Variants in ZNF114 observed in about 807,000 individuals in gnomAD.
ZNF114 encodes the protein zinc finger protein 114 (Y18).
In ZNF114, 8 loss-of-function variants were observed where a neutral mutation model predicts 6.8. The observed-to-expected ratio is 1.18, with a 90% CI of 0.69 to 2.13. ZNF114 has a LOEUF of 2.13. Among genes scored for constraint, ZNF114 ranks in the 30% most tolerant of loss-of-function variants. The pLI is 0.00. For missense variants in ZNF114, 472 were observed against 519.5 expected (o/e 0.91, Z 0.89); for synonymous variants, 169 against 185.5 (o/e 0.91, Z 0.72).
chr19:48,284,819 A>G (rs1032533686), intron 5 of ZNF114, among the ~76,000 whole-genome samples: 1 of 152,088 alleles, frequency 6.6e-6, no homozygotes, highest in Non-Finnish European at 1.5e-5. Flanking sequence ...AAAATTGCAC[A>G]TGGAGCCAGC....
At chr19:48,279,635 G>T in intron 3 of ZNF114, 96 bp from the exon 4 acceptor site, 3 of 802,614 alleles carry the variant, frequency 3.7e-6, no homozygotes, top group Non-Finnish European at 6.1e-6. Context: ...GTGCACACGT[G>T]CATTTATATG....
intron 4 of ZNF114, among the ~76,000 whole-genome samples, chr19:48,281,175 C>T (rs767181830): frequency 3.9e-5 from 6 of 152,128 alleles, no homozygotes; most frequent in Admixed American, 3.3e-4. Flanking sequence ...TACGACCGGA[C>T]GTCAGTCTCT....
chr19:48,284,855 T>A (rs2147295831), intron 5 of ZNF114, among the ~76,000 whole-genome samples: 1 of 152,302 alleles, frequency 6.6e-6, no homozygotes, highest in Admixed American at 6.5e-5. Flanking sequence ...GGCAAGAGGA[T>A]CACTTGATCC....
chr19:48,270,640 G>A (rs2147276813), intron 1 of ZNF114, among the ~76,000 whole-genome samples: 1 of 130,614 alleles, frequency 7.7e-6, no homozygotes, highest in East Asian at 2.3e-4. Flanking sequence ...AAAGGAGGAA[G>A]GGAGAGAGAG....
chr19:48,277,835 T>TGTGTGTGTGTGTGTG (rs1967886817), intron 3 of ZNF114, among the ~76,000 whole-genome samples: 1 of 15,050 alleles, frequency 6.6e-5, no homozygotes, highest in Non-Finnish European at 2.1e-4. Context: ...GTGTGTGTGT[T>TGTGTGTGTGTGTGTG]CGTGACGATA....
intron 3 of ZNF114, among the ~76,000 whole-genome samples, chr19:48,274,725 C>T (rs568869510): frequency 5.1e-4 from 77 of 151,800 alleles, no homozygotes; most frequent in African/African-American, 1.8e-3. Context: ...AGGCTGACCT[C>T]GAACTCCCAA....
At chr19:48,276,055 G>A (rs1233673425) in intron 3 of ZNF114, among the ~76,000 whole-genome samples, 1 of 149,264 alleles carries the variant, frequency 6.7e-6, no homozygotes, top group Non-Finnish European at 1.5e-5. Context: ...GTTTCTGGAG[G>A]TGAGAGAGCC....
chr19:48,279,632 C>G (rs550440193), intron 3 of ZNF114, 99 bp from the exon 4 acceptor site: 10 of 771,218 alleles, frequency 1.3e-5, no homozygotes, highest in Non-Finnish European at 2.1e-5. Context: ...TGTGTGCACA[C>G]GTGCATTTAT....
intron 3 of ZNF114, among the ~76,000 whole-genome samples, chr19:48,274,763 C>T (rs1052429169): frequency 5.3e-5 from 8 of 151,898 alleles, no homozygotes; most frequent in African/African-American, 1.9e-4. Flanking sequence ...GCCTCGGCCT[C>T]CCAAAGTGCT....
Position 48,286,623 on chromosome 19 carries a change from A to T in ZNF114, c.999A>T (p.Glu333Asp). The T allele has an allele frequency of 3.7e-6, 6 of 1,613,932 alleles. No individual in the cohort carries two copies. Among genetic ancestry groups the T allele is most frequent in the Non-Finnish European group, 5.1e-6 (6 of 1,179,996 alleles). ...TTCACACTGGAGAGAAACCGTATGA[A>T]TGTGGGAAATGTGGGAAAGCCTTTA... ...MKIHTGEKPY[E>D]CGKCGKAFRY... The change falls in exon 6 of 6, where the codon GAA (glutamate) becomes GAT (aspartate). Residue 333 changes from glutamate to aspartate, a missense_variant. By Grantham distance (45) the Glu-to-Asp change is conservative (BLOSUM62 2). Transcript: ENST00000595607.
At chr19:48,282,656 A>C (rs1968021709) in intron 5 of ZNF114, among the ~76,000 whole-genome samples, 159 bp downstream of exon 5, 2 of 151,962 alleles carry the variant, frequency 1.3e-5, no homozygotes, top group Admixed American at 1.3e-4. Context: ...ATGAAACTGG[A>C]AGTCAGTTTG....
chr19:48,280,908 G>T (rs904892074), intron 4 of ZNF114, among the ~76,000 whole-genome samples: 1 of 152,110 alleles, frequency 6.6e-6, no homozygotes, highest in Non-Finnish European at 1.5e-5. Context: ...GCCTGAACAG[G>T]CTAATGCATG....
intron 5 of ZNF114, among the ~76,000 whole-genome samples, chr19:48,284,236 T>C (rs1212423552): frequency 1.3e-5 from 2 of 152,102 alleles, no homozygotes; most frequent in Non-Finnish European, 2.9e-5. Flanking sequence ...TAATGTTTTA[T>C]AATTTTCAAG....
rs1600848952 is a variant in ZNF114 at position 48,286,962 on chromosome 19, A to G, written c.*84A>G. On this transcript the variant is annotated 3_prime_UTR_variant, in exon 6 of 6. Coordinates refer to ENST00000595607, the MANE Select transcript of ZNF114 (RefSeq NM_153608.4). ...ATATTGGAAGGGAGCTCAAGGGGTT[A>G]GCATGAGTGAGAACATCTTCCCTGA... The G allele has an allele frequency of 7.2e-6, 10 of 1,390,506 alleles. 1 individual carries two copies. In the East Asian group the frequency reaches 2.4e-4, roughly 33 times the overall value. The allele number at this position is 1,390,506 out of a possible 1,614,324, so 86.1% of individuals were successfully genotyped here. A position where few individuals can be genotyped will look rare whatever the true frequency, so the allele number is the denominator to read the frequency against.
intron 1 of ZNF114, among the ~76,000 whole-genome samples, chr19:48,270,446 A>G (rs1301203459): frequency 7.3e-6 from 1 of 137,262 alleles, no homozygotes; most frequent in Non-Finnish European, 1.6e-5. Context: ...AAAAGGAAGG[A>G]AGGGAGGGAG....
In ZNF114 at chr19:48,287,300, C is replaced by G. The variant is rs1309561691; in HGVS notation, c.*422C>G. On this transcript the variant is annotated 3_prime_UTR_variant, in exon 6 of 6. Transcript: ENST00000595607. ...CACGAGGTCAGGAGATCAAGACCAT[C>G]CTGGCTAACACGGTGATACCCCGTC... The G allele has an allele frequency of 6.5e-6, 1 of 153,974 alleles. No homozygotes were observed. The highest frequency in any genetic ancestry group is 2.4e-5 in the African/African-American group (1 of 41,360). 9.5% of individuals were successfully genotyped at this position (153,974 alleles called of 1,614,324 possible). A position where few individuals can be genotyped will look rare whatever the true frequency, so the allele number is the denominator to read the frequency against.
chr19:48,275,153 AAAGAGAGAAAGAGAGAGAGG>A (rs1340353194), intron 3 of ZNF114, among the ~76,000 whole-genome samples: 54 of 149,770 alleles, frequency 3.6e-4, no homozygotes, highest in South Asian at 2.1e-3. Flanking sequence ...AAAAAGAAAG[AAAGAGAGAAAGAGAGAGAGG>A]AAGAGAGAAA....
chr19:48,278,729 G>A (rs1444347907), intron 3 of ZNF114, among the ~76,000 whole-genome samples: 1 of 152,148 alleles, frequency 6.6e-6, no homozygotes, highest in African/African-American at 2.4e-5. Context: ...ATCACTTGAG[G>A]TCAGGAGTTC....
intron 3 of ZNF114, among the ~76,000 whole-genome samples, chr19:48,273,924 A>AT (rs1157828836): frequency 2.6e-5 from 4 of 151,366 alleles, no homozygotes; most frequent in Admixed American, 1.3e-4. Context: ...CGCCCGGCTA[A>AT]TTTTTTGTAT....
Sources: gnomAD v4.1 joint callset for allele counts (sites outside exome capture counted in the v4.1 genomes callset) on GRCh38, gnomAD v4.1.1 for gene constraint, MANE v1.5 for transcripts, NCBI Gene and HGNC (gene_info 2026-07-23, HGNC 2026-07-21) for gene names.